GLIS3: variants seen among roughly 807,000 people sequenced by gnomAD.
GLIS3 encodes zinc finger protein GLIS3.
In GLIS3, 53 loss-of-function variants were observed where a neutral mutation model predicts 78.6. The observed-to-expected ratio is 0.67, with a 90% CI of 0.54 to 0.85. The LOEUF (loss-of-function observed/expected upper bound fraction) is 0.85, where lower values mean the gene tolerates loss of function less well. GLIS3 is among the 40% of genes least tolerant of loss of function. The probability of loss-of-function intolerance (pLI) is 0.00; values close to 1 mark genes in which losing one functional copy is unlikely to be tolerated. For missense variants in GLIS3, 1,703 were observed against 1,231.1 expected (o/e 1.38, Z -5.74); for synonymous variants, 684 against 509.9 (o/e 1.34, Z -4.60).
upstream of GLIS3, among the ~76,000 whole-genome samples, chr9:4,350,426 G>C (rs1001566320): frequency 6.6e-5 from 10 of 152,154 alleles, no homozygotes; most frequent in African/African-American, 2.2e-4. Context: ...AGAAACAATT[G>C]ACACAAATGG....
At chr9:3,972,434 C>T (rs1481901250) in intron 4 of GLIS3, among the ~76,000 whole-genome samples, 1 of 152,128 alleles carries the variant, frequency 6.6e-6, no homozygotes, top group African/African-American at 2.4e-5. Flanking sequence ...CTGCAAAGGC[C>T]CTGTGTTACA....
At chr9:4,195,403 G>C (rs1341053761) in intron 2 of GLIS3, among the ~76,000 whole-genome samples, 1 of 152,204 alleles carries the variant, frequency 6.6e-6, no homozygotes, top group Non-Finnish European at 1.5e-5. Flanking sequence ...AGGCCAGCCG[G>C]TGCCACCGGC....
chr9:4,435,750 C>A, the GLIS3 span, among the ~76,000 whole-genome samples: 1 of 152,012 alleles, frequency 6.6e-6, no homozygotes. Context: ...GAGATGGAGA[C>A]CATCCTGGCT....
At chr9:4,313,844 G>T (rs1043446910) in intron 2 of GLIS3, among the ~76,000 whole-genome samples, 1 of 152,220 alleles carries the variant, frequency 6.6e-6, no homozygotes, top group African/African-American at 2.4e-5. Context: ...GGAGGTAGGT[G>T]ATCAGCGTGC....
chr9:4,148,882 C>T (rs948465302), intron 2 of GLIS3, among the ~76,000 whole-genome samples: 3 of 152,098 alleles, frequency 2.0e-5, no homozygotes, highest in Non-Finnish European at 4.4e-5. Flanking sequence ...AACCCATTCT[C>T]CTCTCTCCTC....
intron 2 of GLIS3, among the ~76,000 whole-genome samples, chr9:4,197,197 C>A (rs1202167100): frequency 1.3e-5 from 2 of 152,006 alleles, no homozygotes; most frequent in Non-Finnish European, 2.9e-5. Context: ...GCCTTTGGAG[C>A]ACTCCCTCAC....
chr9:3,832,688 C>T (rs1447217137), intron 9 of GLIS3, among the ~76,000 whole-genome samples: 1 of 152,126 alleles, frequency 6.6e-6, no homozygotes, highest in Non-Finnish European at 1.5e-5. Context: ...TAGCATAAAC[C>T]GCCATGGTTG....
At chr9:4,440,552 G>T in the GLIS3 span, among the ~76,000 whole-genome samples, 1 of 151,966 alleles carries the variant, frequency 6.6e-6, no homozygotes, top group African/African-American at 2.4e-5. Flanking sequence ...TGTTTTTATT[G>T]GTTATTTTAG....
At chr9:3,906,067 T>A (rs1823675719) in intron 6 of GLIS3, among the ~76,000 whole-genome samples, 1 of 152,044 alleles carries the variant, frequency 6.6e-6, no homozygotes, top group Non-Finnish European at 1.5e-5. Context: ...CTGAAAACAG[T>A]CATTGGAGAG....
chr9:4,437,012 A>G, the GLIS3 span, among the ~76,000 whole-genome samples: 1 of 152,112 alleles, frequency 6.6e-6, no homozygotes, highest in Admixed American at 6.6e-5. Flanking sequence ...AGAAGTATAG[A>G]GAGAAGGTAT....
chr9:4,195,251 C>A (rs1387529567), intron 2 of GLIS3, among the ~76,000 whole-genome samples: 1 of 152,294 alleles, frequency 6.6e-6, no homozygotes, highest in African/African-American at 2.4e-5. Flanking sequence ...CCTGTCTGGG[C>A]TGGTTGAGGC....
intron 2 of GLIS3, among the ~76,000 whole-genome samples, chr9:4,311,199 C>T (rs952184805): frequency 3.3e-5 from 5 of 152,166 alleles, no homozygotes; most frequent in South Asian, 2.1e-4. Context: ...ACTTGAGCCC[C>T]GGAGTTCAAG....
intron 4 of GLIS3, among the ~76,000 whole-genome samples, chr9:4,046,056 C>T (rs547629322): frequency 6.6e-6 from 1 of 152,332 alleles, no homozygotes; most frequent in South Asian, 2.1e-4. Flanking sequence ...TTGGCCACAT[C>T]AGCCTAAGCT....
At chr9:4,163,264 A>G (rs201529280) in intron 2 of GLIS3, among the ~76,000 whole-genome samples, 1 of 110,234 alleles carries the variant, frequency 9.1e-6, no homozygotes, top group African/African-American at 2.9e-5. Context: ...ACACACACAC[A>G]CACACGCGCA....
At chr9:4,222,883 C>T (rs1394337800) in intron 2 of GLIS3, among the ~76,000 whole-genome samples, 1 of 152,134 alleles carries the variant, frequency 6.6e-6, no homozygotes, top group African/African-American at 2.4e-5. Flanking sequence ...TGCTCATTCA[C>T]GAAGCTGCAC....
chr9:4,372,353 A>C, the GLIS3 span, among the ~76,000 whole-genome samples: 1 of 152,110 alleles, frequency 6.6e-6, no homozygotes, highest in Non-Finnish European at 1.5e-5. Context: ...TGGTGCTTTG[A>C]CATCTTGGGG....
intron 4 of GLIS3, among the ~76,000 whole-genome samples, chr9:3,969,026 G>A (rs977367092): frequency 2.0e-5 from 3 of 152,156 alleles, no homozygotes; most frequent in African/African-American, 7.2e-5. Context: ...TGTCACAGAA[G>A]CAATTGTCAG....
upstream of GLIS3, among the ~76,000 whole-genome samples, chr9:4,304,982 G>C (rs1306071598): frequency 6.6e-6 from 1 of 152,218 alleles, no homozygotes. Flanking sequence ...CCCCGGGTAA[G>C]AGTGTTGACT....
chr9:4,150,656 CTCA>C (rs1834607672), intron 2 of GLIS3, among the ~76,000 whole-genome samples: 1 of 152,142 alleles, frequency 6.6e-6, no homozygotes, highest in South Asian at 2.1e-4. Flanking sequence ...AAGGGTTTCC[CTCA>C]TAAGAAAAAG....
Sources: gnomAD v4.1 joint callset for allele counts (sites outside exome capture counted in the v4.1 genomes callset) on GRCh38, gnomAD v4.1.1 for gene constraint, MANE v1.5 for transcripts, NCBI Gene and HGNC (gene_info 2026-07-23, HGNC 2026-07-21) for gene names.